The following PUS7 variants were observed in gnomAD, a reference collection of about 807,000 sequenced individuals.
PUS7 encodes pseudouridylate synthase 7 homolog.
A neutral mutation model predicts 79.8 loss-of-function variants in PUS7; 48 were observed. The observed-to-expected ratio is 0.60, with a 90% CI of 0.48 to 0.76. The LOEUF (loss-of-function observed/expected upper bound fraction) is 0.76, where lower values mean the gene tolerates loss of function less well. Ranked by LOEUF, PUS7 falls within the 30% of genes least tolerant of loss-of-function variation. The probability of loss-of-function intolerance (pLI) is 0.00; values close to 1 mark genes in which losing one functional copy is unlikely to be tolerated. For synonymous variants in PUS7, 286 were observed against 272.2 expected, an observed-to-expected ratio of 1.05 and a Z score of -0.50; for missense variants, 729 against 797.6, an observed-to-expected ratio of 0.91 and a Z score of 1.04.
At position 105,462,572 on chromosome 7, in the gene PUS7, A is replaced by G. The variant is rs192840746; in HGVS notation, c.1757+49T>C. The G allele has an allele frequency of 1.2e-5, 20 of 1,602,360 alleles. No individual in the cohort carries two copies. In the African/African-American group the frequency reaches 2.5e-4, roughly 20 times the overall value. The stretch of plus-strand genomic sequence containing the variant: ...TCTATATAAAGTGAAGCAAAAGCTT[A>G]CAACTTATATGGTAATTCAGTTCTA... On this transcript the variant is annotated intron_variant, in intron 14 of 15. Coordinates refer to ENST00000469408, the MANE Select transcript of PUS7 (RefSeq NM_019042.5).
intron 1 of PUS7, among the ~76,000 whole-genome samples, chr7:105,520,383 C>T (rs1826059618): frequency 2.1e-5 from 3 of 145,698 alleles, no homozygotes; most frequent in Admixed American, 1.4e-4. Flanking sequence ...GGCGTGAACC[C>T]GGGAGGCGGA....
chr7:105,520,627 C>T (rs1826072535), intron 1 of PUS7, among the ~76,000 whole-genome samples: 1 of 152,138 alleles, frequency 6.6e-6, no homozygotes, highest in Non-Finnish European at 1.5e-5. Context: ...GAGGCTGAGG[C>T]AGGAGAATCG....
chr7:105,470,604 A>G, intron 11 of PUS7, 84 bp downstream of exon 11: 4 of 1,413,730 alleles, frequency 2.8e-6, no homozygotes, highest in Non-Finnish European at 3.8e-6. Context: ...TGCTCTTTCA[A>G]AGTTTAGTAA....
chr7:105,462,626 A>T lies in PUS7; in HGVS notation c.1752T>A (p.Val584=). The T allele has an allele frequency of 6.2e-7, 1 of 1,613,686 alleles. No individual in the cohort carries two copies. Among genetic ancestry groups the T allele is most frequent in the African/African-American group, 1.3e-5 (1 of 75,040 alleles). The change falls in exon 14 of 16, where the codon GTT becomes GTA. Residue 584 remains valine, a synonymous_variant. Coordinates refer to ENST00000469408, the MANE Select transcript of PUS7 (RefSeq NM_019042.5). The part of the protein sequence containing the change: ...YRKIIIRPQN[V]SWEVVAYDDP... The stretch of plus-strand genomic sequence containing the variant: ...CATTCTAGATGATTACTCACCAGCT[A>T]ACATTCTGAGGACGAATAATGATCT...
In PUS7 at chr7:105,508,213, ACTCT is replaced by A; in HGVS notation, c.296_299del (p.Glu99ValfsTer5). On this transcript the variant is annotated frameshift_variant, in exon 2 of 16. Transcript: ENST00000469408. LOFTEE classifies it high-confidence loss of function. ...GTCCATGCTTCATCATGTCTGCAAA[ACTCT>A]CTGATTCCTCCTCCTCGCACTCCTC... 1 of 1,613,572 alleles carries A rather than the reference ACTCT, an allele frequency of 6.2e-7. No homozygotes were observed. Among genetic ancestry groups the A allele is most frequent in the Middle Eastern group, 1.7e-4 (1 of 6,058 alleles).
chr7:105,474,641 C>T (rs982164692), intron 9 of PUS7, among the ~76,000 whole-genome samples: 14 of 148,754 alleles, frequency 9.4e-5, no homozygotes, highest in Admixed American at 4.0e-4. Context: ...AATAATCGGG[C>T]GTGGTGGCAC....
intron 2 of PUS7, among the ~76,000 whole-genome samples, chr7:105,506,478 A>C (rs1825466235): frequency 1.3e-5 from 2 of 149,906 alleles, no homozygotes; most frequent in South Asian, 4.2e-4. Context: ...GCTGGAGTGC[A>C]GTGGCTCGAT....
intron 12 of PUS7, among the ~76,000 whole-genome samples, chr7:105,467,506 G>A (rs976941323): frequency 2.0e-5 from 3 of 151,584 alleles, no homozygotes; most frequent in South Asian, 2.1e-4. Flanking sequence ...AGCCAGGATG[G>A]TCTCGATCTC....
intron 5 of PUS7, among the ~76,000 whole-genome samples, chr7:105,497,328 A>G (rs1013823629): frequency 3.3e-5 from 5 of 152,226 alleles, no homozygotes; most frequent in African/African-American, 1.2e-4. Flanking sequence ...TTACTTAAAT[A>G]TGGGAGGACA....
intron 15 of PUS7, among the ~76,000 whole-genome samples, chr7:105,458,399 T>G (rs1363013738): frequency 6.6e-6 from 1 of 151,534 alleles, no homozygotes; most frequent in African/African-American, 2.4e-5. Flanking sequence ...TAGCTGGGAT[T>G]ACAGGTGCCC....
intron 7 of PUS7, among the ~76,000 whole-genome samples, chr7:105,485,162 CT>C (rs951397404): frequency 1.1e-3 from 156 of 147,498 alleles, no homozygotes; most frequent in African/African-American, 3.3e-3. Context: ...GTCAGAGATT[CT>C]TTTTTTTTTA....
chr7:105,500,948 G>A (rs997312099), intron 5 of PUS7, among the ~76,000 whole-genome samples: 1 of 152,214 alleles, frequency 6.6e-6, no homozygotes, highest in African/African-American at 2.4e-5. Context: ...GCCCCAAGCA[G>A]TTCCAGGACA....
chr7:105,508,609 G>A lies in PUS7; in HGVS notation c.-32-65C>T, dbSNP rs570131243. ...AAGCTGGTTTCAGGCCGGGCGCGGT[G>A]GCTCACACCTGTAATCCCAGCGTTT... On this transcript the variant is annotated intron_variant, in intron 1 of 15. Transcript: ENST00000469408. 2.6e-6 allele frequency: 4 copies of A among 1,519,852 alleles called. No individual in the cohort carries two copies. In the Admixed American group the frequency reaches 6.4e-5, roughly 24 times the overall value. The allele number at this position is 1,519,852 out of a possible 1,614,324, so 94.1% of individuals were successfully genotyped here.
At chr7:105,505,826 C>G in intron 4 of PUS7, 129 bp downstream of exon 4, 2 of 739,906 alleles carry the variant, frequency 2.7e-6, no homozygotes, top group South Asian at 1.9e-5. Context: ...AGTGTAATAT[C>G]CTTTAGATCC....
chr7:105,506,372 A>G (rs1166704839), intron 2 of PUS7, 99 bp from the exon 3 acceptor site: 19 of 834,572 alleles, frequency 2.3e-5, no homozygotes, highest in Non-Finnish European at 3.3e-5. Flanking sequence ...ATTATGCAAA[A>G]CAAGGAATTT....
intron 8 of PUS7, among the ~76,000 whole-genome samples, chr7:105,481,888 G>A (rs1031611807): frequency 2.0e-5 from 3 of 151,948 alleles, no homozygotes; most frequent in Non-Finnish European, 4.4e-5. Context: ...CTGCCACCAC[G>A]CCCGGCTAAT....
At chr7:105,458,571 A>ATTTT (rs1184288709) in intron 15 of PUS7, among the ~76,000 whole-genome samples, 13 of 124,892 alleles carry the variant, frequency 1.0e-4, no homozygotes, top group African/African-American at 3.9e-4. Context: ...CCAGCCACCA[A>ATTTT]TTTTTTTTTT....
At chr7:105,496,214 T>TAG (rs1441042128) in intron 5 of PUS7, among the ~76,000 whole-genome samples, 35 of 71,764 alleles carry the variant, frequency 4.9e-4, no homozygotes, top group Non-Finnish European at 5.4e-4. Context: ...TATATATATA[T>TAG]ATATATATAT....
chr7:105,459,388 G>T (rs1440970763), intron 14 of PUS7, 129 bp from the exon 15 acceptor site: 2 of 489,766 alleles, frequency 4.1e-6, no homozygotes, highest in African/African-American at 4.0e-5. Context: ...TAGGAATCTT[G>T]AATAATATAG....
Sources: gnomAD v4.1 joint callset for allele counts (sites outside exome capture counted in the v4.1 genomes callset) on GRCh38, gnomAD v4.1.1 for gene constraint, MANE v1.5 for transcripts, NCBI Gene and HGNC (gene_info 2026-07-23, HGNC 2026-07-21) for gene names.